RASA1: variants seen among roughly 807,000 people sequenced by gnomAD.
RASA1 encodes the protein RAS p21 protein activator 1, also known as ras GTPase-activating protein 1.
Under a neutral mutation model 132.2 loss-of-function variants are expected in RASA1, and 25 were observed. The observed-to-expected ratio is 0.19, with a 90% CI of 0.14 to 0.26. RASA1 has a LOEUF of 0.26. RASA1 is among the 10% of genes least tolerant of loss of function. The pLI is 1.00. For missense variants in RASA1, 964 were observed against 1,299.2 expected (o/e 0.74, Z 3.97); for synonymous variants, 477 against 449.9 (o/e 1.06, Z -0.76).
chr5:87,324,176 T>C lies in RASA1; in HGVS notation c.540-7172T>C, dbSNP rs536290107. ...TGAAGTTCTAAGAAAAACCCAACTA[T>C]AAGAATTGATACTGTTTTGAGGATT... On this transcript the variant is annotated intron_variant, in intron 1 of 24. Coordinates refer to ENST00000274376, the MANE Select transcript of RASA1 (RefSeq NM_002890.3). Among the ~76,000 whole-genome samples, 3 of 152,318 alleles carry C rather than the reference T, an allele frequency of 2.0e-5. No homozygotes were observed. The South Asian group carries it at 6.2e-4, about 32-fold the overall frequency.
At chr5:87,334,467 T>C (rs66507804) in intron 4 of RASA1, among the ~76,000 whole-genome samples, 27,834 of 152,164 alleles carry the variant, frequency 0.18, 2,826 homozygotes, top group East Asian at 0.41. Flanking sequence ...CCCAGAAATA[T>C]AATGTTTAAT....
chr5:87,367,760 A>C (rs1760631769), intron 11 of RASA1, among the ~76,000 whole-genome samples: 1 of 152,158 alleles, frequency 6.6e-6, no homozygotes, highest in African/African-American at 2.4e-5. Context: ...GTTTTGCTGG[A>C]TATTAAATTC....
chr5:87,362,697 C>T (rs772203792), intron 10 of RASA1, 26 bp downstream of exon 10: 2 of 1,595,252 alleles, frequency 1.3e-6, no homozygotes, highest in Non-Finnish European at 8.6e-7. Flanking sequence ...TATCATTAAC[C>T]CATTTGATAG....
intron 1 of RASA1, among the ~76,000 whole-genome samples, chr5:87,312,802 A>G (rs1258715838): frequency 6.6e-6 from 1 of 152,208 alleles, no homozygotes; most frequent in East Asian, 1.9e-4. Flanking sequence ...AAATCTAGCA[A>G]ACAAATAAAC....
Position 87,386,014 on chromosome 5 carries a change from T to C in RASA1, c.2847+625T>C, listed in dbSNP as rs147519139. Among the ~76,000 whole-genome samples, 4 of 152,204 alleles carry C rather than the reference T, an allele frequency of 2.6e-5. No homozygotes were observed. The East Asian group carries it at 7.7e-4, about 29-fold the overall frequency. On this transcript the variant is annotated intron_variant, in intron 22 of 24. Transcript: ENST00000274376. The stretch of plus-strand genomic sequence containing the variant: ...GTAAAATCACTAAGTAAATACGTTT[T>C]AGGCTTTTGCTATGTGTTACAAGAT...
intron 1 of RASA1, among the ~76,000 whole-genome samples, chr5:87,307,277 G>C (rs1755661281): frequency 6.6e-6 from 1 of 151,930 alleles, no homozygotes; most frequent in Admixed American, 6.5e-5. Flanking sequence ...TGTATTTTCT[G>C]TCCTTGTTTT....
chr5:87,269,182 T>C, intron 1 of RASA1, 192 bp downstream of exon 1: 1 of 1,604,994 alleles, frequency 6.2e-7, no homozygotes. Context: ...GGCGTCTTCC[T>C]ACATTTATTG....
chr5:87,313,157 A>C (rs1486467684), intron 1 of RASA1, among the ~76,000 whole-genome samples: 2 of 152,212 alleles, frequency 1.3e-5, no homozygotes, highest in Non-Finnish European at 2.9e-5. Flanking sequence ...GAGGAAACTC[A>C]CATTTCTATC....
chr5:87,353,118 T>C (rs1363507380), intron 8 of RASA1, 39 bp from the exon 9 acceptor site: 5 of 1,523,688 alleles, frequency 3.3e-6, no homozygotes, highest in Non-Finnish European at 3.6e-6. Flanking sequence ...TTTGCAGTTT[T>C]ATGAGACAGA....
intron 1 of RASA1, among the ~76,000 whole-genome samples, chr5:87,286,310 C>A (rs1390095582): frequency 6.6e-6 from 1 of 151,772 alleles, no homozygotes; most frequent in Non-Finnish European, 1.5e-5. Flanking sequence ...TTGATTCACA[C>A]CCTCATTTTC....
chr5:87,270,646 CTTTTTTTTTTTT>C (rs70996415), intron 1 of RASA1, among the ~76,000 whole-genome samples: 43 of 71,776 alleles, frequency 6.0e-4, no homozygotes, highest in Middle Eastern at 0.016. Context: ...GGTGCCCGGC[CTTTTTTTTTTTT>C]TTTTTTTTTT....
At chr5:87,278,524 C>T (rs973173563) in intron 1 of RASA1, among the ~76,000 whole-genome samples, 23 of 151,636 alleles carry the variant, frequency 1.5e-4, no homozygotes, top group African/African-American at 2.9e-4. Flanking sequence ...CCAGCCTGGG[C>T]GACAGAGCGA....
At chr5:87,318,863 A>C (rs184137046) in intron 1 of RASA1, 1 of 152,402 alleles carries the variant, frequency 6.6e-6, no homozygotes, top group African/African-American at 2.4e-5. Flanking sequence ...CCAAAGTCTT[A>C]TCTGAGACAA....
At chr5:87,341,964 C>T (rs1036176157) in intron 6 of RASA1, among the ~76,000 whole-genome samples, 2 of 152,062 alleles carry the variant, frequency 1.3e-5, no homozygotes, top group East Asian at 3.9e-4. Context: ...CAACTGACTA[C>T]TCCATTTGCA....
At chr5:87,307,634 C>T (rs1212968788) in intron 1 of RASA1, among the ~76,000 whole-genome samples, 1 of 152,096 alleles carries the variant, frequency 6.6e-6, no homozygotes, top group Admixed American at 6.6e-5. Flanking sequence ...ACTGTTATAG[C>T]CTTCTGTCTG....
At chr5:87,378,668 G>A (rs958539382) in intron 18 of RASA1, 130 bp downstream of exon 18, 27 of 930,652 alleles carry the variant, frequency 2.9e-5, no homozygotes, top group Non-Finnish European at 3.7e-5. Context: ...AGTTACACCT[G>A]TCTGTAATAC....
rs770707573 is a variant in RASA1, at chr5:87,331,310, C to G, written c.540-38C>G. On this transcript the variant is annotated intron_variant, in intron 1 of 24. Transcript: ENST00000274376. ...AGTGTCCATAGAAATTCTGCACTTGCTATTTATATTGTAATATCTTCTCTG... is the reference window on the plus strand; with the variant it reads ...AGTGTCCATAGAAATTCTGCACTTGGTATTTATATTGTAATATCTTCTCTG... 1.0e-5 allele frequency: 16 copies of G among 1,554,432 alleles called. No individual in the cohort carries two copies. In the East Asian group the frequency reaches 3.6e-4, roughly 35 times the overall value.
intron 1 of RASA1, among the ~76,000 whole-genome samples, chr5:87,307,559 T>C (rs1306741710): frequency 3.9e-5 from 6 of 152,236 alleles, no homozygotes; most frequent in Non-Finnish European, 5.9e-5. Flanking sequence ...GATTACTTTT[T>C]AAATATTCAA....
At chr5:87,299,454 A>C (rs1364053806) in intron 1 of RASA1, among the ~76,000 whole-genome samples, 1 of 152,148 alleles carries the variant, frequency 6.6e-6, no homozygotes, top group African/African-American at 2.4e-5. Context: ...ATTCACAGTG[A>C]TGCAGATGTT....
Sources: allele counts gnomAD v4.1 joint callset (sites outside exome capture counted in the v4.1 genomes callset), GRCh38; gene constraint gnomAD v4.1.1; transcripts MANE v1.5; gene names NCBI Gene and HGNC (gene_info 2026-07-23, HGNC 2026-07-21).